The following SGCZ variants were observed in gnomAD, a reference collection of about 807,000 sequenced individuals.
SGCZ encodes sarcoglycan zeta, also known as zeta-sarcoglycan.
SGCZ carries 40 observed loss-of-function variants against 41.3 expected under a neutral mutation model. The ratio of observed to expected loss-of-function variants is 0.97; its 90% CI spans 0.75 to 1.26. The LOEUF is 1.26. SGCZ is among the 50% of genes most tolerant of loss of function. The probability of loss-of-function intolerance (pLI) is 0.00; values close to 1 mark genes in which losing one functional copy is unlikely to be tolerated. For synonymous variants in SGCZ, 206 were observed against 137.5 expected, an observed-to-expected ratio of 1.50 and a Z score of -3.49; for missense variants, 552 against 369.8, an observed-to-expected ratio of 1.49 and a Z score of -4.04.
At chr8:14,406,331 T>A (rs978859542) in intron 2 of SGCZ, among the ~76,000 whole-genome samples, 2 of 152,128 alleles carry the variant, frequency 1.3e-5, no homozygotes, top group Non-Finnish European at 2.9e-5. Context: ...TTATCAAATT[T>A]TCTTGTTCAT....
chr8:14,098,853 G>C (rs1446927190), intron 7 of SGCZ, among the ~76,000 whole-genome samples: 1 of 152,092 alleles, frequency 6.6e-6, no homozygotes, highest in Non-Finnish European at 1.5e-5. Flanking sequence ...CATCAATGGA[G>C]TAAACCTTGA....
rs866322139 is a variant in SGCZ, at chr8:14,122,425, T to C, written c.548-14190A>G. On this transcript the variant is annotated intron_variant, in intron 5 of 7. Coordinates refer to ENST00000382080, the MANE Select transcript of SGCZ (RefSeq NM_139167.4). ...ACAAATAATTCAATTTCAAGGAATT[T>C]ATCCCAAAGAGTTCTTTATGTGCAC... 2.0e-4 allele frequency among the ~76,000 whole-genome samples: 31 copies of C among 152,268 alleles called. No individual in the cohort carries two copies. The Middle Eastern group carries it at 0.01, about 50-fold the overall frequency.
At chr8:14,296,731 T>G (rs1356504507) in intron 3 of SGCZ, among the ~76,000 whole-genome samples, 1 of 152,104 alleles carries the variant, frequency 6.6e-6, no homozygotes, top group East Asian at 1.9e-4. Flanking sequence ...AAAGAGGAAA[T>G]AGATTAGGTC....
intron 4 of SGCZ, among the ~76,000 whole-genome samples, chr8:14,209,279 G>T (rs1336198000): frequency 6.6e-6 from 1 of 152,112 alleles, no homozygotes; most frequent in African/African-American, 2.4e-5. Flanking sequence ...GTATTCCATG[G>T]TGGGCCAGAA....
chr8:14,384,034 A>G (rs1804473085), intron 2 of SGCZ, among the ~76,000 whole-genome samples: 1 of 151,878 alleles, frequency 6.6e-6, no homozygotes, highest in African/African-American at 2.4e-5. Context: ...TTACACATGT[A>G]TACATGTGCC....
intron 1 of SGCZ, among the ~76,000 whole-genome samples, chr8:15,040,503 G>C (rs937137629): frequency 2.0e-5 from 3 of 152,068 alleles, no homozygotes; most frequent in African/African-American, 4.8e-5. Context: ...TGTAATCCCA[G>C]CTACTCGGGA....
At chr8:14,359,733 C>G (rs1803434395) in intron 2 of SGCZ, among the ~76,000 whole-genome samples, 1 of 146,762 alleles carries the variant, frequency 6.8e-6, no homozygotes, top group African/African-American at 2.6e-5. Flanking sequence ...CAAACTATTC[C>G]AAAAAAACAG....
intron 6 of SGCZ, among the ~76,000 whole-genome samples, chr8:14,107,465 C>G (rs1802241602): frequency 6.6e-6 from 1 of 152,066 alleles, no homozygotes; most frequent in African/African-American, 2.4e-5. Context: ...CCATCATAGT[C>G]CAGTTAAGTT....
chr8:14,743,747 C>G (rs1237535883), intron 1 of SGCZ, among the ~76,000 whole-genome samples: 1 of 151,638 alleles, frequency 6.6e-6, no homozygotes, highest in African/African-American at 2.4e-5. Flanking sequence ...TTCCGTCTTG[C>G]AAAAAGAAAA....
intron 1 of SGCZ, among the ~76,000 whole-genome samples, chr8:14,598,418 T>G (rs1266664956): frequency 6.6e-6 from 1 of 152,162 alleles, no homozygotes. Context: ...TATGTCTTTA[T>G]GTTTTCAGGA....
At chr8:14,525,588 T>C in intron 2 of SGCZ, among the ~76,000 whole-genome samples, 1 of 152,130 alleles carries the variant, frequency 6.6e-6, no homozygotes, top group Non-Finnish European at 1.5e-5. Flanking sequence ...CAATTTCAAT[T>C]TAGTTGCACA....
At chr8:14,581,951 G>A (rs534270474) in intron 1 of SGCZ, among the ~76,000 whole-genome samples, 1 of 152,186 alleles carries the variant, frequency 6.6e-6, no homozygotes, top group Non-Finnish European at 1.5e-5. Flanking sequence ...TGTCTCTCAT[G>A]CTTCCCATTC....
intron 1 of SGCZ, among the ~76,000 whole-genome samples, chr8:15,206,264 T>C (rs1051794475): frequency 1.6e-4 from 24 of 152,194 alleles, no homozygotes; most frequent in African/African-American, 5.8e-4. Flanking sequence ...TTGCAGAAGA[T>C]GTGAGAATGA....
chr8:14,340,529 T>C (rs547171480), intron 2 of SGCZ, among the ~76,000 whole-genome samples: 1 of 152,278 alleles, frequency 6.6e-6, no homozygotes, highest in East Asian at 1.9e-4. Context: ...AATGTCTTCC[T>C]TGTCTTTTTA....
At chr8:15,119,962 A>G (rs1466977211) in intron 1 of SGCZ, among the ~76,000 whole-genome samples, 3 of 151,448 alleles carry the variant, frequency 2.0e-5, no homozygotes, top group African/African-American at 7.3e-5. Flanking sequence ...GGTGCATTCC[A>G]CCAAGCTCGG....
intron 1 of SGCZ, among the ~76,000 whole-genome samples, chr8:14,977,105 G>C (rs1801502858): frequency 6.6e-6 from 1 of 152,198 alleles, no homozygotes. Flanking sequence ...TTCACGGAAA[G>C]TATTTATTCA....
intron 1 of SGCZ, among the ~76,000 whole-genome samples, chr8:14,664,300 C>T (rs530526841): frequency 1.3e-5 from 2 of 152,142 alleles, no homozygotes; most frequent in African/African-American, 4.8e-5. Flanking sequence ...GAGCCAATCA[C>T]AAACACAGTT....
At chr8:14,332,054 T>C (rs1802346755) in intron 2 of SGCZ, among the ~76,000 whole-genome samples, 1 of 152,152 alleles carries the variant, frequency 6.6e-6, no homozygotes, top group South Asian at 2.1e-4. Context: ...CCCAAATACA[T>C]ATTTTTATTT....
At chr8:14,571,081 C>G (rs1283924633) in intron 1 of SGCZ, among the ~76,000 whole-genome samples, 2 of 152,132 alleles carry the variant, frequency 1.3e-5, no homozygotes, top group Non-Finnish European at 2.9e-5. Flanking sequence ...AGGTTTGACT[C>G]TCAGTTCCAC....
Sources: gnomAD v4.1 joint callset for allele counts (sites outside exome capture counted in the v4.1 genomes callset) on GRCh38, gnomAD v4.1.1 for gene constraint, MANE v1.5 for transcripts, NCBI Gene and HGNC (gene_info 2026-07-23, HGNC 2026-07-21) for gene names.